The following CAST variants were observed in gnomAD, a reference collection of about 807,000 sequenced individuals.
CAST encodes the protein calpastatin.
A neutral mutation model predicts 119.6 loss-of-function variants in CAST; 76 were observed. The ratio of observed to expected loss-of-function variants is 0.64; its 90% CI spans 0.53 to 0.77. The LOEUF (loss-of-function observed/expected upper bound fraction) is 0.77, where lower values mean the gene tolerates loss of function less well. Ranked by LOEUF, CAST falls within the 30% of genes least tolerant of loss-of-function variation. CAST has a pLI of 0.00. For missense variants in CAST, 953 were observed against 946.5 expected (o/e 1.01, Z -0.09); for synonymous variants, 319 against 331.6 (o/e 0.96, Z 0.41).
chr5:96,699,642 A>G (rs1286158676), intron 3 of CAST, among the ~76,000 whole-genome samples: 8 of 152,146 alleles, frequency 5.3e-5, no homozygotes, highest in Admixed American at 1.3e-4. Flanking sequence ...TTCCCAGCTC[A>G]TTCTTGTTTG....
chr5:96,639,097 C>T (rs965390781), intron 1 of CAST, among the ~76,000 whole-genome samples: 2 of 152,228 alleles, frequency 1.3e-5, no homozygotes, highest in African/African-American at 2.4e-5. Flanking sequence ...CATATACCAA[C>T]ATTGTATATA....
the CAST span, chr5:96,399,129 T>G: frequency 1.1e-6 from 1 of 896,572 alleles, no homozygotes. Context: ...GACTAGATGC[T>G]CAACTAAGCT....
chr5:96,523,721 G>A (rs150460617), upstream of CAST, among the ~76,000 whole-genome samples: 89 of 152,336 alleles, frequency 5.8e-4, 1 homozygote, highest in African/African-American at 2.0e-3. Flanking sequence ...TCAACATGCA[G>A]TGTCCACTGC....
At chr5:96,521,563 T>G (rs1279081671), upstream of CAST, among the ~76,000 whole-genome samples, 1 of 152,124 alleles carries the variant, frequency 6.6e-6, no homozygotes, top group Admixed American at 6.5e-5. Context: ...CCATAAGACT[T>G]GTGACTCTTG....
the CAST span, among the ~76,000 whole-genome samples, chr5:96,044,833 G>A: frequency 0.01 from 1,586 of 152,212 alleles, 30 homozygotes; most frequent in African/African-American, 0.036. Context: ...AATGACTGTT[G>A]TGTGCTACAC....
chr5:96,589,804 G>T (rs9314174), intron 1 of CAST, among the ~76,000 whole-genome samples: 1 of 151,944 alleles, frequency 6.6e-6, no homozygotes, highest in Non-Finnish European at 1.5e-5. Context: ...CAGCTATCAC[G>T]TCTCATTCAT....
the CAST span, among the ~76,000 whole-genome samples, chr5:96,361,492 G>A: frequency 2.0e-5 from 3 of 152,338 alleles, no homozygotes; most frequent in African/African-American, 4.8e-5. Context: ...CTGGACTGCA[G>A]GTTGTGAAGT....
At chr5:96,479,740 AC>A in the CAST span, among the ~76,000 whole-genome samples, 1,047 of 152,028 alleles carry the variant, frequency 6.9e-3, 11 homozygotes, top group African/African-American at 0.024. Context: ...GAGCCATGGC[AC>A]CCGGCTGGCA....
At chr5:95,996,466 C>T in the CAST span, among the ~76,000 whole-genome samples, 1 of 152,098 alleles carries the variant, frequency 6.6e-6, no homozygotes, top group Non-Finnish European at 1.5e-5. Context: ...TTTATAATGG[C>T]TTCTTTGGAT....
chr5:96,626,735 A>G (rs879888266), intron 1 of CAST, among the ~76,000 whole-genome samples: 3 of 152,158 alleles, frequency 2.0e-5, no homozygotes, highest in Admixed American at 6.5e-5. Context: ...CTCCAATGCT[A>G]TCTAGATTGC....
At chr5:96,207,023 T>C in the CAST span, among the ~76,000 whole-genome samples, 1 of 152,084 alleles carries the variant, frequency 6.6e-6, no homozygotes, top group Non-Finnish European at 1.5e-5. Context: ...TTCCTCTCCC[T>C]GGTGAGCTTC....
chr5:96,501,868 AG>A, the CAST span, among the ~76,000 whole-genome samples: 1 of 152,230 alleles, frequency 6.6e-6, no homozygotes, highest in Non-Finnish European at 1.5e-5. Context: ...AATTGTCTAC[AG>A]TATTCAGTAC....
chr5:96,320,526 C>T, the CAST span, among the ~76,000 whole-genome samples: 122 of 152,156 alleles, frequency 8.0e-4, no homozygotes, highest in Non-Finnish European at 1.5e-3. Context: ...GCGTGAGTCA[C>T]CGTGCCCGGT....
the CAST span, among the ~76,000 whole-genome samples, chr5:96,138,830 T>G: frequency 6.6e-6 from 1 of 152,036 alleles, no homozygotes; most frequent in African/African-American, 2.4e-5. Flanking sequence ...GTTATTGTTG[T>G]TTCTTTGGGA....
chr5:95,992,702 C>T, the CAST span, among the ~76,000 whole-genome samples: 15 of 151,970 alleles, frequency 9.9e-5, no homozygotes, highest in Admixed American at 9.8e-4. Context: ...GTGATAATGC[C>T]AATGTTGGTT....
the CAST span, among the ~76,000 whole-genome samples, chr5:96,349,137 C>CTCTTTTTTTTTTTTTTTTTTTT: frequency 3.2e-5 from 1 of 31,322 alleles, no homozygotes; most frequent in African/African-American, 1.8e-4. Flanking sequence ...AACAAGGACA[C>CTCTTTTTTTTTTTTTTTTTTTT]TATTTTTTTT....
At chr5:96,229,113 C>T in the CAST span, among the ~76,000 whole-genome samples, 1 of 151,636 alleles carries the variant, frequency 6.6e-6, no homozygotes, top group African/African-American at 2.4e-5. Flanking sequence ...AATCATTTTA[C>T]CAGGTGAGAA....
chr5:96,515,538 G>C, the CAST span, among the ~76,000 whole-genome samples: 1 of 152,062 alleles, frequency 6.6e-6, no homozygotes, highest in Non-Finnish European at 1.5e-5. Context: ...TTTTCTGTGA[G>C]AGGAAAAGCA....
the CAST span, among the ~76,000 whole-genome samples, chr5:96,099,050 G>A: frequency 6.6e-6 from 1 of 152,160 alleles, no homozygotes; most frequent in Non-Finnish European, 1.5e-5. Context: ...TCCCTAGTGA[G>A]CTGTATTCCT....
Sources: allele counts gnomAD v4.1 joint callset (sites outside exome capture counted in the v4.1 genomes callset), GRCh38; gene constraint gnomAD v4.1.1; transcripts MANE v1.5; gene names NCBI Gene and HGNC (gene_info 2026-07-23, HGNC 2026-07-21).